Variants in SNX30 observed in about 807,000 individuals in gnomAD.
SNX30 encodes sorting nexin family member 30.
A neutral mutation model predicts 46.4 loss-of-function variants in SNX30; 24 were observed. The observed-to-expected ratio is 0.52, with a 90% confidence interval of 0.37 to 0.73. SNX30 has a LOEUF of 0.73. Ranked by LOEUF, SNX30 falls within the 30% of genes least tolerant of loss-of-function variation. SNX30 has a pLI of 0.00. For synonymous variants in SNX30, 189 were observed against 211.5 expected, an observed-to-expected ratio of 0.89 and a Z score of 0.92; for missense variants, 533 against 555.7, an observed-to-expected ratio of 0.96 and a Z score of 0.41.
chr9:112,806,102 G>T (rs1403573493), intron 2 of SNX30, among the ~76,000 whole-genome samples: 1 of 152,086 alleles, frequency 6.6e-6, no homozygotes, highest in East Asian at 1.9e-4. Context: ...CTTTGCTGTG[G>T]GGGGCTGTCT....
chr9:112,860,007 G>A (rs748119185), intron 7 of SNX30, among the ~76,000 whole-genome samples: 24 of 151,996 alleles, frequency 1.6e-4, no homozygotes, highest in Non-Finnish European at 2.2e-4. Context: ...GTGCAGTGGC[G>A]TGATCTCGGC....
intron 8 of SNX30, among the ~76,000 whole-genome samples, chr9:112,867,507 C>T (rs1288807220): frequency 6.6e-6 from 1 of 151,624 alleles, no homozygotes; most frequent in Non-Finnish European, 1.5e-5. Flanking sequence ...AGAACTCCTC[C>T]TCCTTCCTCA....
chr9:112,815,774 C>T (rs1175104925), intron 2 of SNX30, among the ~76,000 whole-genome samples: 1 of 152,304 alleles, frequency 6.6e-6, no homozygotes, highest in Admixed American at 6.5e-5. Context: ...TTCATTAGCC[C>T]TTAATCATTG....
At chr9:112,761,561 G>A (rs1202706740) in intron 1 of SNX30, among the ~76,000 whole-genome samples, 1 of 152,160 alleles carries the variant, frequency 6.6e-6, no homozygotes, top group Admixed American at 6.6e-5. Context: ...ACCTGGTTTT[G>A]GTTGGACTTG....
At chr9:112,867,343 A>G (rs1338531036) in intron 8 of SNX30, among the ~76,000 whole-genome samples, 1 of 138,566 alleles carries the variant, frequency 7.2e-6, no homozygotes, top group Non-Finnish European at 1.6e-5. Flanking sequence ...CCTCCTCAGA[A>G]CTCTTCCCAC....
At chr9:112,858,935 G>A (rs1588141114) in intron 7 of SNX30, among the ~76,000 whole-genome samples, 1 of 152,138 alleles carries the variant, frequency 6.6e-6, no homozygotes, top group East Asian at 1.9e-4. Flanking sequence ...ATTATACTGT[G>A]GTAAAATATA....
At chr9:112,836,964 T>C (rs578251443) in intron 5 of SNX30, among the ~76,000 whole-genome samples, 1 of 152,258 alleles carries the variant, frequency 6.6e-6, no homozygotes, top group South Asian at 2.1e-4. Flanking sequence ...TTCCCACCCC[T>C]CTCGGGGCCA....
Position 112,870,087 on chromosome 9 carries a change from G to C in SNX30, c.*1244G>C, listed in dbSNP as rs114283878. ...AGATTCCTGGGGACTGCTGAGTGTG[G>C]TTACAGGCTGCATTTCAGACAATGA... On this transcript the variant is annotated 3_prime_UTR_variant, in exon 9 of 9. Transcript: ENST00000374232. The C allele has an allele frequency of 6.4e-3, 974 of 152,230 alleles. 17 individuals carry two copies. The highest frequency in any genetic ancestry group is 0.022 in the African/African-American group (923 of 41,542). The allele number at this position is 152,230 out of a possible 1,614,324, so 9.4% of individuals were successfully genotyped here. A position where few individuals can be genotyped will look rare whatever the true frequency, so the allele number is the denominator to read the frequency against.
chr9:112,796,758 C>T (rs898682280), intron 1 of SNX30, among the ~76,000 whole-genome samples: 2 of 152,130 alleles, frequency 1.3e-5, no homozygotes, highest in African/African-American at 4.8e-5. Context: ...CCATTACCCC[C>T]CAAGTTGGGT....
intron 1 of SNX30, among the ~76,000 whole-genome samples, chr9:112,790,217 G>T (rs1839997363): frequency 6.6e-6 from 1 of 152,152 alleles, no homozygotes; most frequent in Non-Finnish European, 1.5e-5. Flanking sequence ...CAAAACAAAA[G>T]ATAAATCTCT....
intron 1 of SNX30, among the ~76,000 whole-genome samples, chr9:112,752,030 A>G (rs1839286597): frequency 6.6e-6 from 1 of 152,136 alleles, no homozygotes; most frequent in African/African-American, 2.4e-5. Flanking sequence ...AGAAATTAGA[A>G]TTGTTCTCAG....
At chr9:112,829,404 T>C (rs2131442370) in intron 3 of SNX30, among the ~76,000 whole-genome samples, 1 of 152,346 alleles carries the variant, frequency 6.6e-6, no homozygotes, top group South Asian at 2.1e-4. Context: ...CCTGAATAGT[T>C]GGGACTATAG....
At chr9:112,772,643 T>G (rs568684699) in intron 1 of SNX30, among the ~76,000 whole-genome samples, 4 of 152,284 alleles carry the variant, frequency 2.6e-5, no homozygotes, top group African/African-American at 9.6e-5. Context: ...CAAATTCTCT[T>G]AGATTTTGCT....
intron 8 of SNX30, among the ~76,000 whole-genome samples, chr9:112,865,711 A>C (rs1027712642): frequency 1.9e-4 from 27 of 143,578 alleles, no homozygotes; most frequent in African/African-American, 6.7e-4. Context: ...ATATATATAC[A>C]CACATATACA....
chr9:112,808,648 T>C (rs1028894371), intron 2 of SNX30, among the ~76,000 whole-genome samples: 1 of 152,238 alleles, frequency 6.6e-6, no homozygotes, highest in South Asian at 2.1e-4. Flanking sequence ...GCTAAAACAC[T>C]AAAGAATGCC....
At chr9:112,847,264 A>C (rs980279680) in intron 6 of SNX30, among the ~76,000 whole-genome samples, 1 of 152,158 alleles carries the variant, frequency 6.6e-6, no homozygotes, top group African/African-American at 2.4e-5. Flanking sequence ...TCCCGTGCGT[A>C]TCCCAGCCGT....
intron 4 of SNX30, among the ~76,000 whole-genome samples, 183 bp downstream of exon 4, chr9:112,831,066 G>A (rs573358090): frequency 3.9e-4 from 58 of 150,556 alleles, no homozygotes; most frequent in Non-Finnish European, 7.5e-4. Flanking sequence ...GAGCCCAGGA[G>A]TTTGAGGCTT....
chr9:112,876,806 C>T (rs1841523349), downstream of SNX30, among the ~76,000 whole-genome samples: 1 of 151,954 alleles, frequency 6.6e-6, no homozygotes, highest in Admixed American at 6.6e-5. Context: ...CATGGTGGTG[C>T]GTGCTTGTAT....
intron 1 of SNX30, among the ~76,000 whole-genome samples, chr9:112,772,540 C>G (rs1457249602): frequency 6.6e-6 from 1 of 152,166 alleles, no homozygotes; most frequent in Non-Finnish European, 1.5e-5. Flanking sequence ...CGTGTCTCCC[C>G]TGCCATGGTT....
Sources: gnomAD v4.1 joint callset for allele counts (sites outside exome capture counted in the v4.1 genomes callset) on GRCh38, gnomAD v4.1.1 for gene constraint, MANE v1.5 for transcripts, NCBI Gene and HGNC (gene_info 2026-07-23, HGNC 2026-07-21) for gene names.